The following EEFSEC variants were observed in gnomAD, a reference collection of about 807,000 sequenced individuals.
EEFSEC encodes the protein eukaryotic elongation factor, selenocysteine-tRNA specific.
EEFSEC carries 43 observed loss-of-function variants against 42.1 expected under a neutral mutation model. The observed-to-expected ratio is 1.02, with a 90% CI of 0.80 to 1.32. EEFSEC has a LOEUF of 1.32. EEFSEC is among the 40% of genes most tolerant of loss of function. The pLI is 0.00. For synonymous variants in EEFSEC, 354 were observed against 339.1 expected, an observed-to-expected ratio of 1.04 and a Z score of -0.48; for missense variants, 745 against 803.6, an observed-to-expected ratio of 0.93 and a Z score of 0.88.
intron 3 of EEFSEC, among the ~76,000 whole-genome samples, chr3:128,263,465 C>T (rs1486866320): frequency 1.3e-5 from 2 of 152,226 alleles, no homozygotes; most frequent in South Asian, 2.1e-4. Flanking sequence ...CTGGGTGAGG[C>T]TTTTGTTACT....
At position 128,262,166 on chromosome 3, in the gene EEFSEC, C is replaced by CA. The variant is rs1365232502; in HGVS notation, c.563_564insA (p.Pro191ThrfsTer7). The CA allele has an allele frequency of 1.2e-6, 2 of 1,613,988 alleles. No individual in the cohort carries two copies. Among genetic ancestry groups the CA allele is most frequent in the Non-Finnish European group, 1.7e-6 (2 of 1,180,018 alleles). ...CCGATTATACCCGTGGCGGCCAAGC[C>CA]GGGGGGACCAGAGGCCCCCGAAACT... is the stretch of plus-strand genomic sequence containing the variant. On this transcript the variant is annotated frameshift_variant, in exon 3 of 7. Coordinates refer to ENST00000254730, the MANE Select transcript of EEFSEC (RefSeq NM_021937.5). LOFTEE classifies it high-confidence loss of function.
chr3:128,384,967 T>C (rs2107617868), intron 6 of EEFSEC, among the ~76,000 whole-genome samples: 1 of 152,286 alleles, frequency 6.6e-6, no homozygotes, highest in Middle Eastern at 3.4e-3. Context: ...TGGAAGTCCA[T>C]ACTGGGTTTT....
chr3:128,343,410 C>T (rs886091920), intron 5 of EEFSEC, among the ~76,000 whole-genome samples: 2 of 152,164 alleles, frequency 1.3e-5, no homozygotes, highest in Non-Finnish European at 2.9e-5. Context: ...TGAGGAGCAA[C>T]CCCTTCCTCT....
At chr3:128,417,167 G>A in the EEFSEC span, among the ~76,000 whole-genome samples, 1 of 152,098 alleles carries the variant, frequency 6.6e-6, no homozygotes, top group Non-Finnish European at 1.5e-5. This position sits in a 1 kb window ranked among gnomAD's most constrained non-coding sequence, Gnocchi z 4.3. Context: ...TCTGCCGGCT[G>A]CAGCCGGAGA....
At chr3:128,394,188 G>A (rs1365778738) in intron 6 of EEFSEC, among the ~76,000 whole-genome samples, 1 of 152,228 alleles carries the variant, frequency 6.6e-6, no homozygotes, top group Admixed American at 6.5e-5. Flanking sequence ...CTGGGCCTCA[G>A]CCCCTGCAGG....
At chr3:128,405,743 T>A (rs1437342031) in intron 6 of EEFSEC, among the ~76,000 whole-genome samples, 1 of 152,236 alleles carries the variant, frequency 6.6e-6, no homozygotes, top group African/African-American at 2.4e-5. Context: ...ATTCTTCAGG[T>A]GCCAGCAGGT....
chr3:128,326,702 C>CTGAT (rs2108047910), intron 4 of EEFSEC, among the ~76,000 whole-genome samples: 1 of 152,334 alleles, frequency 6.6e-6, no homozygotes, highest in South Asian at 2.1e-4. Context: ...ATTGAGTAAA[C>CTGAT]TGATTGGAAC....
chr3:128,176,371 T>TA (rs1467191686), intron 1 of EEFSEC, among the ~76,000 whole-genome samples: 1 of 151,930 alleles, frequency 6.6e-6, no homozygotes, highest in African/African-American at 2.4e-5. Context: ...TGAGTGCAGT[T>TA]AGAGTTAAGA....
intron 4 of EEFSEC, among the ~76,000 whole-genome samples, chr3:128,307,109 G>A (rs1280986340): frequency 6.6e-6 from 1 of 152,242 alleles, no homozygotes; most frequent in East Asian, 1.9e-4. Context: ...CCCAGAATGA[G>A]AGCAGCTCTG....
chr3:128,238,935 C>G (rs915787549), intron 1 of EEFSEC, among the ~76,000 whole-genome samples: 1 of 152,168 alleles, frequency 6.6e-6, no homozygotes, highest in Non-Finnish European at 1.5e-5. Flanking sequence ...ACCTGGAGAC[C>G]AAGAAGCCAG....
At chr3:128,185,336 A>G (rs997336761) in intron 1 of EEFSEC, among the ~76,000 whole-genome samples, 4 of 152,132 alleles carry the variant, frequency 2.6e-5, no homozygotes, top group African/African-American at 9.7e-5. Flanking sequence ...AGCACTTCAT[A>G]TATACCTTCT....
chr3:128,313,337 CCTGGCAACAGGGTTGCACTCATGTTT>C (rs1272785836), intron 4 of EEFSEC, among the ~76,000 whole-genome samples: 1 of 152,258 alleles, frequency 6.6e-6, no homozygotes, highest in African/African-American at 2.4e-5. Context: ...GGTTTATCCT[CCTGGCAACAGGGTTGCACTCATGTTT>C]CTGGTCGATG....
At position 128,236,162 on chromosome 3, in the gene EEFSEC, A is replaced by G. The variant is rs2066008676; in HGVS notation, c.317-10674A>G. Among the ~76,000 whole-genome samples the G allele has an allele frequency of 2.0e-5, 3 of 152,212 alleles. No homozygotes were observed. In the South Asian group the frequency reaches 6.2e-4, roughly 31 times the overall value. ...GGCTAATTTTGTATTTTTAGTAGAA[A>G]TGGGGTTTCACCACATCGGCCAGGC... On this transcript the variant is annotated intron_variant, in intron 1 of 6. Transcript: ENST00000254730.
At chr3:128,420,255 T>A in the EEFSEC span, among the ~76,000 whole-genome samples, 1 of 152,214 alleles carries the variant, frequency 6.6e-6, no homozygotes, top group Admixed American at 6.5e-5. Context: ...AGCCCATAAT[T>A]GATTCCCTCG....
intron 6 of EEFSEC, among the ~76,000 whole-genome samples, chr3:128,407,262 G>A (rs367943315): frequency 3.5e-4 from 53 of 152,338 alleles, no homozygotes; most frequent in African/African-American, 1.2e-3. Context: ...AACTCATAGA[G>A]GTAGCTGGAA....
chr3:128,391,638 A>G (rs570142835), intron 6 of EEFSEC, among the ~76,000 whole-genome samples: 1 of 152,280 alleles, frequency 6.6e-6, no homozygotes, highest in South Asian at 2.1e-4. Context: ...CTCTCAGCAC[A>G]TTTTTAAAGT....
At chr3:128,229,154 C>T (rs1189511332) in intron 1 of EEFSEC, among the ~76,000 whole-genome samples, 1 of 152,218 alleles carries the variant, frequency 6.6e-6, no homozygotes, top group Non-Finnish European at 1.5e-5. Context: ...CTTCAGTCCT[C>T]CTAACAGTCT....
the EEFSEC span, among the ~76,000 whole-genome samples, chr3:128,424,373 TTTTTGTTTTG>T: frequency 6.6e-6 from 1 of 152,062 alleles, no homozygotes; most frequent in Non-Finnish European, 1.5e-5. Context: ...GTGTTTTGGG[TTTTTGTTTTG>T]TTTTGTTTTG....
In EEFSEC at chr3:128,341,317, A is replaced by G; in HGVS notation, c.871A>G (p.Thr291Ala). The G allele has an allele frequency of 1.2e-6, 2 of 1,614,086 alleles. No homozygotes were observed. Among genetic ancestry groups the G allele is most frequent in the Non-Finnish European group, 8.5e-7 (1 of 1,180,012 alleles). Residue 291 changes from threonine (T) to alanine (A), a missense_variant, in exon 5 of 7, where the codon ACC becomes GCC. Thr to Ala is a moderately conservative substitution (Grantham distance 58, BLOSUM62 0). Transcript: ENST00000254730. ...MQGDRLGICV[T>A]QFDPKLLERG... ...AGGAGACCGGCTGGGCATCTGCGTC[A>G]CCCAGTTTGACCCTAAGCTGCTGGA...
Sources: allele counts gnomAD v4.1 joint callset (sites outside exome capture counted in the v4.1 genomes callset), GRCh38; gene constraint gnomAD v4.1.1; non-coding constraint Gnocchi (gnomAD v3.1); transcripts MANE v1.5; gene names NCBI Gene and HGNC (gene_info 2026-07-23, HGNC 2026-07-21).